URB1: variants seen among roughly 807,000 people sequenced by gnomAD.
The protein encoded by URB1 is nucleolar pre-ribosomal-associated protein 1.
URB1 carries 197 observed loss-of-function variants against 242.3 expected under a neutral mutation model. The observed-to-expected ratio is 0.81, with a 90% CI of 0.72 to 0.91. The LOEUF (loss-of-function observed/expected upper bound fraction) is 0.91, where lower values mean the gene tolerates loss of function less well. URB1 is among the 40% of genes least tolerant of loss of function. The pLI, the probability that URB1 is intolerant of heterozygous loss-of-function variation, is 0.00. For synonymous variants in URB1, 1,153 were observed against 1,201.8 expected (o/e 0.96, Z 0.84); for missense variants, 2,721 against 2,860.5 (o/e 0.95, Z 1.11).
intron 1 of URB1, among the ~76,000 whole-genome samples, chr21:32,387,214 C>G (rs28544055): frequency 0.14 from 21,882 of 152,060 alleles, 2,010 homozygotes; most frequent in African/African-American, 0.26. Flanking sequence ...ACCCCCACCA[C>G]AACCCCACCC....
intron 1 of URB1, among the ~76,000 whole-genome samples, chr21:32,392,449 A>G (rs897185202): frequency 2.0e-5 from 3 of 152,254 alleles, no homozygotes; most frequent in African/African-American, 7.2e-5. Flanking sequence ...CTCAATAGAG[A>G]AGGACACTTC....
rs1198436341 is a variant in URB1 at position 32,392,967 on chromosome 21, C to A, written c.-57G>T. Reference sequence around the variant, plus strand: ...CACACCTGAGGGGACCCGGCAGGAGCACTGGCACAGACAGCAGACACGCGC... The same window carrying A: ...CACACCTGAGGGGACCCGGCAGGAGAACTGGCACAGACAGCAGACACGCGC... On this transcript the variant is annotated 5_prime_UTR_variant, in exon 1 of 39. Coordinates refer to ENST00000382751, the MANE Select transcript of URB1 (RefSeq NM_014825.3). 8 of 1,438,386 alleles carry A rather than the reference C, an allele frequency of 5.6e-6. No individual in the cohort carries two copies. The highest frequency in any genetic ancestry group is 5.3e-5 in the East Asian group (2 of 37,614). 89.1% of individuals were successfully genotyped at this position (1,438,386 alleles called of 1,614,324 possible). A position where few individuals can be genotyped will look rare whatever the true frequency, so the allele number is the denominator to read the frequency against.
chr21:32,385,304 G>T (rs2033571702), intron 2 of URB1, among the ~76,000 whole-genome samples: 1 of 152,128 alleles, frequency 6.6e-6, no homozygotes, highest in South Asian at 2.1e-4. Context: ...TTTTGATTAG[G>T]AATCTATGAT....
chr21:32,391,663 GCTAA>G (rs2033640145), intron 1 of URB1, among the ~76,000 whole-genome samples: 1 of 152,104 alleles, frequency 6.6e-6, no homozygotes, highest in Non-Finnish European at 1.5e-5. Flanking sequence ...ATAACTCTAT[GCTAA>G]CTAAGTATCA....
chr21:32,319,090 C>T, intron 36 of URB1, 127 bp downstream of exon 36: 5 of 889,386 alleles, frequency 5.6e-6, no homozygotes, highest in Non-Finnish European at 8.3e-6. Flanking sequence ...CTGCCCCAAT[C>T]CACAGCAGAT....
chr21:32,311,715 T>TG lies in URB1; in HGVS notation c.*3202dup. 6.2e-7 allele frequency: 1 copy of TG among 1,614,030 alleles called. No homozygotes were observed. The highest frequency in any genetic ancestry group is 8.5e-7 in the Non-Finnish European group (1 of 1,179,976). On this transcript the variant is annotated 3_prime_UTR_variant, in exon 39 of 39. Transcript: ENST00000382751. ...CCCCAAGCACCACCAAACATGCCCC[T>TG]GGAGTCACGGCCTCAACCTCCACCT... is the stretch of plus-strand genomic sequence containing the variant.
chr21:32,321,915 G>A lies in URB1; in HGVS notation c.5370C>T (p.Gly1790=). 1 of 1,551,586 alleles carries A rather than the reference G, an allele frequency of 6.4e-7. No homozygotes were observed. The highest frequency in any genetic ancestry group is 1.2e-5 in the South Asian group (1 of 84,058). ...EQKTEQKWVF[G]VLRQGIRDKQ... ...TGTCACGGATCCCCTGCCGCAGAAC[G>A]CCAAACACCCACTTCTGCTCTGTTT... Residue 1790 remains glycine (G), a synonymous_variant, in exon 34 of 39, where the codon GGC becomes GGT. Transcript: ENST00000382751.
In URB1 at chr21:32,337,161, C is replaced by G; in HGVS notation, c.4622-4G>C. On this transcript the variant is annotated splice_region_variant and splice_polypyrimidine_tract_variant and intron_variant, in intron 27 of 38. Coordinates refer to ENST00000382751, the MANE Select transcript of URB1 (RefSeq NM_014825.3). ...AGCAGAAGTAAAATCTTCTGATCTA[C>G]AAGTCAAAGCAGGATCGGTTTAGGA... is the stretch of plus-strand genomic sequence containing the variant. 1.6e-5 allele frequency: 25 copies of G among 1,551,824 alleles called. No homozygotes were observed. The highest frequency in any genetic ancestry group is 2.2e-5 in the Non-Finnish European group (25 of 1,147,030).
At position 32,358,281 on chromosome 21, in the gene URB1, C is replaced by T. The variant is rs751731931; in HGVS notation, c.1870-625G>A. Among the ~76,000 whole-genome samples the T allele has an allele frequency of 7.2e-5, 11 of 152,118 alleles. 1 individual carries two copies. Among genetic ancestry groups the T allele is most frequent in the Non-Finnish European group, 1.2e-4 (8 of 68,022 alleles). ...TATTTTACATATATGGAAACTGAGGCACTGGGAAGGCACCTGGCTGTTTAC... is the reference window on the plus strand; with the variant it reads ...TATTTTACATATATGGAAACTGAGGTACTGGGAAGGCACCTGGCTGTTTAC... On this transcript the variant is annotated intron_variant, in intron 14 of 38. Transcript: ENST00000382751.
intron 25 of URB1, among the ~76,000 whole-genome samples, chr21:32,341,211 G>A (rs2123571137): frequency 6.6e-6 from 1 of 152,256 alleles, no homozygotes; most frequent in African/African-American, 2.4e-5. Context: ...TATTAAATGT[G>A]GGGGCTACTA....
chr21:32,354,595 T>C (rs1208310130), intron 17 of URB1, among the ~76,000 whole-genome samples: 2 of 152,228 alleles, frequency 1.3e-5, no homozygotes, highest in Non-Finnish European at 2.9e-5. Context: ...TGGGGTTGCT[T>C]ATGAGATTTA....
At chr21:32,372,912 T>C (rs939787012) in intron 7 of URB1, among the ~76,000 whole-genome samples, 2 of 152,176 alleles carry the variant, frequency 1.3e-5, no homozygotes, top group African/African-American at 4.8e-5. Context: ...TATTTGGGAG[T>C]GTTTTTATGC....
intron 4 of URB1, among the ~76,000 whole-genome samples, chr21:32,382,983 A>C (rs534811356): frequency 3.9e-5 from 6 of 152,376 alleles, no homozygotes; most frequent in African/African-American, 1.2e-4. Context: ...TTAAAAAGCC[A>C]TAAAAGTCCT....
At chr21:32,375,275 C>G (rs146599349) in intron 6 of URB1, 123 bp downstream of exon 6, 96 of 556,622 alleles carry the variant, frequency 1.7e-4, no homozygotes, top group African/African-American at 1.7e-3. Context: ...GTTTTCCACT[C>G]AACCAATACA....
At chr21:32,319,600 T>C (rs1468672749) in intron 35 of URB1, among the ~76,000 whole-genome samples, 186 bp from the exon 36 acceptor site, 3 of 152,204 alleles carry the variant, frequency 2.0e-5, no homozygotes, top group African/African-American at 7.2e-5. Flanking sequence ...AACAGAAGAT[T>C]GCCCTAAGTC....
At position 32,352,585 on chromosome 21, in the gene URB1, T is replaced by C. The variant is rs564354435; in HGVS notation, c.2613+125A>G. On this transcript the variant is annotated intron_variant, in intron 19 of 38. Transcript: ENST00000382751. The stretch of plus-strand genomic sequence containing the variant: ...GCTTCCTCTCTTATGCAGGGGACTT[T>C]AGGGTAAGAAATTTCACCCTGCAGG... 116 of 1,135,624 alleles carry C rather than the reference T, an allele frequency of 1.0e-4. No individual in the cohort carries two copies. The African/African-American group carries it at 1.5e-3, about 15-fold the overall frequency. The allele number at this position is 1,135,624 out of a possible 1,614,324, so 70.3% of individuals were successfully genotyped here.
intron 29 of URB1, 49 bp from the exon 30 acceptor site, chr21:32,333,468 T>A: frequency 7.1e-7 from 1 of 1,415,820 alleles, no homozygotes; most frequent in Non-Finnish European, 9.7e-7. Context: ...CTCACAAAGG[T>A]AATACAGGTT....
Position 32,313,101 on chromosome 21 carries a change from G to A in URB1, c.*1817C>T, listed in dbSNP as rs963104289. 1 of 152,232 alleles carries A rather than the reference G, an allele frequency of 6.6e-6. No homozygotes were observed. Among genetic ancestry groups the A allele is most frequent in the Non-Finnish European group, 1.5e-5 (1 of 68,050 alleles). The allele number at this position is 152,232 out of a possible 1,614,324, so 9.4% of individuals were successfully genotyped here. On this transcript the variant is annotated 3_prime_UTR_variant, in exon 39 of 39. Coordinates refer to ENST00000382751, the MANE Select transcript of URB1 (RefSeq NM_014825.3). ...TTGACTGAGCTGGAACTCGGCTTTG[G>A]AGCATTTGTCGCCACCTGACGTAGT...
At chr21:32,366,385 G>C (rs1188022799) in intron 10 of URB1, among the ~76,000 whole-genome samples, 1 of 152,210 alleles carries the variant, frequency 6.6e-6, no homozygotes. Context: ...CCAAGGACAT[G>C]AAGTCCGTTG....
Sources: gnomAD v4.1 joint callset for allele counts (sites outside exome capture counted in the v4.1 genomes callset) on GRCh38, gnomAD v4.1.1 for gene constraint, MANE v1.5 for transcripts, NCBI Gene and HGNC (gene_info 2026-07-23, HGNC 2026-07-21) for gene names.